The following DRAM2 variants were observed in gnomAD, a reference collection of about 807,000 sequenced individuals.
DRAM2 encodes the protein DNA damage-regulated autophagy modulator protein 2.
In DRAM2, 26 loss-of-function variants were observed where a neutral mutation model predicts 33.5. That is an observed-to-expected ratio of 0.78 (90% CI 0.57 to 1.08). DRAM2 has a LOEUF of 1.08. DRAM2 is among the 50% of genes least tolerant of loss of function. The pLI, the probability that DRAM2 is intolerant of heterozygous loss-of-function variation, is 0.00. For missense variants in DRAM2, 311 were observed against 318.1 expected, an observed-to-expected ratio of 0.98 and a Z score of 0.17; for synonymous variants, 98 against 109.5, an observed-to-expected ratio of 0.89 and a Z score of 0.66.
chr1:111,129,444 TTA>T (rs1651639049), intron 4 of DRAM2, among the ~76,000 whole-genome samples: 1 of 152,180 alleles, frequency 6.6e-6, no homozygotes, highest in African/African-American at 2.4e-5. Context: ...GTTTTAATAA[TTA>T]TGTTTCCTTC....
chr1:111,121,061 AG>A (rs1221506557), intron 6 of DRAM2, among the ~76,000 whole-genome samples: 3 of 152,086 alleles, frequency 2.0e-5, no homozygotes, highest in Non-Finnish European at 4.4e-5. Flanking sequence ...AGTTTAGTAA[AG>A]GTACATAAAC....
intron 7 of DRAM2, 45 bp from the exon 8 acceptor site, chr1:111,120,004 A>G: frequency 6.5e-7 from 1 of 1,533,508 alleles, no homozygotes. Context: ...ACGATCTCAG[A>G]GAACAAAAAT....
chr1:111,130,907 T>C (rs1651949797), intron 4 of DRAM2, among the ~76,000 whole-genome samples: 1 of 150,742 alleles, frequency 6.6e-6, no homozygotes, highest in Non-Finnish European at 1.5e-5. Context: ...CTCGGCAGGC[T>C]GAGGCAGAAG....
At chr1:111,125,345 G>A (rs942296310) in intron 5 of DRAM2, 2 of 152,524 alleles carry the variant, frequency 1.3e-5, no homozygotes, top group African/African-American at 4.8e-5. Flanking sequence ...ATAGAATATA[G>A]ATAAAATGGG....
chr1:111,128,188 A>C (rs1651411756), intron 4 of DRAM2, among the ~76,000 whole-genome samples: 1 of 145,454 alleles, frequency 6.9e-6, no homozygotes, highest in Non-Finnish European at 1.5e-5. Context: ...CCAGGCTAAC[A>C]GCTAAACCTT....
intron 8 of DRAM2, 103 bp downstream of exon 8, chr1:111,119,774 C>T (rs747101040): frequency 8.4e-6 from 8 of 950,076 alleles, no homozygotes; most frequent in Non-Finnish European, 1.1e-5. Context: ...GATTATTCTA[C>T]CAGAAGACTT....
chr1:111,123,708 G>A (rs1650456735), intron 6 of DRAM2, among the ~76,000 whole-genome samples: 1 of 152,096 alleles, frequency 6.6e-6, no homozygotes, highest in African/African-American at 2.4e-5. Flanking sequence ...GGTCACAGGG[G>A]TGGATCCCTC....
At chr1:111,124,961 C>A in intron 5 of DRAM2, 80 bp from the exon 6 acceptor site, 1 of 1,167,512 alleles carries the variant, frequency 8.6e-7, no homozygotes. Flanking sequence ...TCACAAAGGT[C>A]ACTGCTATCC....
chr1:111,131,591 G>A, intron 3 of DRAM2, 23 bp from the exon 4 acceptor site: 1 of 1,611,820 alleles, frequency 6.2e-7, no homozygotes, highest in South Asian at 1.1e-5. Flanking sequence ...AAACATATTA[G>A]AAAAGATAAT....
chr1:111,118,047 A>T lies in DRAM2; in HGVS notation c.*113T>A. 1 of 877,268 alleles carries T rather than the reference A, an allele frequency of 1.1e-6. No individual in the cohort carries two copies. Among genetic ancestry groups the T allele is most frequent in the Non-Finnish European group, 1.9e-6 (1 of 530,304 alleles). 54.3% of individuals were successfully genotyped at this position (877,268 alleles called of 1,614,324 possible). ...CTGATTATCAGCATTCATCAGTGTTACTGTCAGCCTTGATTAAGTGGTTGA... is the reference window on the plus strand; with the variant it reads ...CTGATTATCAGCATTCATCAGTGTTTCTGTCAGCCTTGATTAAGTGGTTGA... On this transcript the variant is annotated 3_prime_UTR_variant, in exon 10 of 10. Coordinates refer to ENST00000484310, the MANE Select transcript of DRAM2 (RefSeq NM_001349884.2).
rs1435980571 is a variant in DRAM2, at chr1:111,118,915, A to G, written c.601-18T>C. Reference sequence around the variant, plus strand: ...ACATAACCCTGAGTGATGGGAAAAAAAGAATAGTTTTGTGAAATTTCATTT... The same window carrying G: ...ACATAACCCTGAGTGATGGGAAAAAGAGAATAGTTTTGTGAAATTTCATTT... On this transcript the variant is annotated intron_variant, in intron 8 of 9. Transcript: ENST00000484310. The G allele has an allele frequency of 6.4e-7, 1 of 1,559,794 alleles. No individual in the cohort carries two copies.
chr1:111,131,380 T>TGA (rs1302886777), intron 4 of DRAM2, 44 bp downstream of exon 4: 5 of 1,531,140 alleles, frequency 3.3e-6, no homozygotes, highest in Admixed American at 2.0e-5. Flanking sequence ...AAAATAAGAA[T>TGA]GAGACATAAA....
intron 4 of DRAM2, among the ~76,000 whole-genome samples, chr1:111,130,187 T>TA (rs1439936210): frequency 6.6e-6 from 1 of 152,328 alleles, no homozygotes; most frequent in East Asian, 1.9e-4. Context: ...TGATACTTAA[T>TA]ACGTCAAAAA....
intron 6 of DRAM2, chr1:111,122,535 A>C (rs529079006): frequency 6.6e-6 from 1 of 152,342 alleles, no homozygotes; most frequent in Non-Finnish European, 1.5e-5. Context: ...CTGGTTTTGT[A>C]AAATTTTTCC....
chr1:111,126,087 C>A, intron 5 of DRAM2, 140 bp downstream of exon 5: 4 of 605,262 alleles, frequency 6.6e-6, no homozygotes, highest in South Asian at 4.8e-5. Flanking sequence ...TTAAAAGGAG[C>A]ATAATTATGA....
chr1:111,139,163 T>A (rs1653941767), intron 2 of DRAM2: 1 of 152,236 alleles, frequency 6.6e-6, no homozygotes, highest in Non-Finnish European at 1.5e-5. Context: ...ATAAGCTGCA[T>A]CAAATGTTAC....
intron 4 of DRAM2, among the ~76,000 whole-genome samples, chr1:111,126,517 C>T (rs1651052402): frequency 6.6e-6 from 1 of 151,924 alleles, no homozygotes; most frequent in African/African-American, 2.4e-5. Context: ...TTCTCTTCCA[C>T]ATAGTAGAAA....
chr1:111,123,248 T>C (rs886538842), intron 6 of DRAM2, among the ~76,000 whole-genome samples: 8 of 152,194 alleles, frequency 5.3e-5, no homozygotes, highest in African/African-American at 1.7e-4. Context: ...TGGGAACTAA[T>C]GTCCAGCAAA....
Position 111,118,110 on chromosome 1 carries a change from T to C in DRAM2, c.*50A>G, listed in dbSNP as rs967286324. On this transcript the variant is annotated 3_prime_UTR_variant, in exon 10 of 10. Transcript: ENST00000484310. ...AGAATAAGCAACTTCTGTGAACCTT[T>C]CCCCAATCCCTGAGAATCATAATCA... 6.4e-7 allele frequency: 1 copy of C among 1,570,426 alleles called. No individual in the cohort carries two copies. Among genetic ancestry groups the C allele is most frequent in the African/African-American group, 1.4e-5 (1 of 73,946 alleles).
Sources: gnomAD v4.1 joint callset for allele counts (sites outside exome capture counted in the v4.1 genomes callset) on GRCh38, gnomAD v4.1.1 for gene constraint, MANE v1.5 for transcripts, NCBI Gene and HGNC (gene_info 2026-07-23, HGNC 2026-07-21) for gene names.